PXDNL: variants seen among roughly 807,000 people sequenced by gnomAD.
PXDNL encodes the protein peroxidasin like.
Under a neutral mutation model 150.8 loss-of-function variants are expected in PXDNL, and 145 were observed. The observed-to-expected ratio is 0.96, with a 90% CI of 0.84 to 1.10. PXDNL has a LOEUF of 1.10. Ranked by LOEUF, PXDNL falls within the 50% of genes least tolerant of loss-of-function variation. PXDNL has a pLI of 0.00. For synonymous variants in PXDNL, 757 were observed against 725.7 expected, an observed-to-expected ratio of 1.04 and a Z score of -0.69; for missense variants, 2,087 against 1,873.9, an observed-to-expected ratio of 1.11 and a Z score of -2.10.
chr8:51,750,737 C>T (rs1243961512), intron 1 of PXDNL, among the ~76,000 whole-genome samples: 1 of 152,192 alleles, frequency 6.6e-6, no homozygotes, highest in Non-Finnish European at 1.5e-5. Context: ...TTTCTTCAAG[C>T]CAGATATTGT....
chr8:51,601,677 C>T (rs1563479466), intron 2 of PXDNL, among the ~76,000 whole-genome samples: 2 of 152,060 alleles, frequency 1.3e-5, no homozygotes, highest in East Asian at 1.9e-4. Flanking sequence ...CAACTTGCCA[C>T]TCTGTGCCTT....
At chr8:51,371,333 C>T (rs17262634) in intron 19 of PXDNL, among the ~76,000 whole-genome samples, 91 of 152,292 alleles carry the variant, frequency 6.0e-4, no homozygotes, top group Middle Eastern at 3.4e-3. Context: ...AAAACAGATG[C>T]TTATAGAAGC....
intron 5 of PXDNL, among the ~76,000 whole-genome samples, chr8:51,487,764 G>A (rs1305369526): frequency 6.6e-6 from 1 of 152,170 alleles, no homozygotes; most frequent in Non-Finnish European, 1.5e-5. Context: ...TCTTTTAATA[G>A]AAAAGAGGAA....
At position 51,683,229 on chromosome 8, in the gene PXDNL, A is replaced by G. The variant is rs192582630; in HGVS notation, c.165-28469T>C. The stretch of plus-strand genomic sequence containing the variant: ...TATTAGAAATGCACATCAAAGCCAC[A>G]GTGAGGTATCACCTCACCCCAACTG... On this transcript the variant is annotated intron_variant, in intron 1 of 22. Coordinates refer to ENST00000356297, the MANE Select transcript of PXDNL (RefSeq NM_144651.5). 9.5e-3 allele frequency among the ~76,000 whole-genome samples: 1,258 copies of G among 132,242 alleles called. 7 individuals are homozygous for G. Among genetic ancestry groups the G allele is most frequent in the Middle Eastern group, 0.023 (5 of 222 alleles). The allele number at this position is 132,242 out of a possible 152,430, so 86.8% of individuals were successfully genotyped here. A position where few individuals can be genotyped will look rare whatever the true frequency, so the allele number is the denominator to read the frequency against.
chr8:51,551,131 AG>A, intron 4 of PXDNL, among the ~76,000 whole-genome samples: 2 of 152,264 alleles, frequency 1.3e-5, no homozygotes, highest in South Asian at 4.1e-4. Flanking sequence ...AAGAGGTAAA[AG>A]ATCTCTAAAA....
intron 1 of PXDNL, among the ~76,000 whole-genome samples, chr8:51,759,013 G>A (rs572083773): frequency 6.6e-6 from 1 of 152,258 alleles, no homozygotes; most frequent in South Asian, 2.1e-4. Context: ...GCAAGACATG[G>A]GGAGAAGCAT....
intron 1 of PXDNL, among the ~76,000 whole-genome samples, chr8:51,805,850 T>C (rs1365515299): frequency 6.6e-6 from 1 of 152,180 alleles, no homozygotes; most frequent in Non-Finnish European, 1.5e-5. Context: ...ATTAGGAAAG[T>C]ACAACCTAAT....
At chr8:51,738,928 A>T (rs1029992596) in intron 1 of PXDNL, among the ~76,000 whole-genome samples, 5 of 148,004 alleles carry the variant, frequency 3.4e-5, no homozygotes, top group African/African-American at 1.3e-4. Context: ...AGTCGAAAAT[A>T]GTACAAAAAA....
chr8:51,663,141 AT>A (rs1815309594), intron 1 of PXDNL, among the ~76,000 whole-genome samples: 1 of 152,190 alleles, frequency 6.6e-6, no homozygotes, highest in Non-Finnish European at 1.5e-5. Context: ...AGAACATCAG[AT>A]TCCCCTCAAA....
At chr8:51,756,413 GAA>G (rs2037102624) in intron 1 of PXDNL, among the ~76,000 whole-genome samples, 30 of 146,548 alleles carry the variant, frequency 2.0e-4, no homozygotes, top group African/African-American at 6.7e-4. Context: ...AAAAAGGAAA[GAA>G]AGAGAAAGAG....
chr8:51,800,538 G>A (rs1301003927), intron 1 of PXDNL, among the ~76,000 whole-genome samples: 1 of 152,214 alleles, frequency 6.6e-6, no homozygotes, highest in Non-Finnish European at 1.5e-5. Flanking sequence ...GGCCAAGGAT[G>A]CATTCCTGGC....
chr8:51,341,429 G>A (rs1805981826), intron 20 of PXDNL, among the ~76,000 whole-genome samples: 1 of 152,036 alleles, frequency 6.6e-6, no homozygotes, highest in Non-Finnish European at 1.5e-5. Context: ...ACGTGTGCAT[G>A]TGGTTTGTTT....
intron 1 of PXDNL, among the ~76,000 whole-genome samples, chr8:51,738,064 G>A (rs1408774682): frequency 6.6e-6 from 1 of 152,172 alleles, no homozygotes; most frequent in East Asian, 1.9e-4. Context: ...GTATTGGACA[G>A]ACACACCAAA....
chr8:51,604,243 C>T (rs1813793636), intron 2 of PXDNL, among the ~76,000 whole-genome samples: 2 of 152,206 alleles, frequency 1.3e-5, no homozygotes, highest in Admixed American at 1.3e-4. Flanking sequence ...AGACTTGGAA[C>T]CAACCCAAAT....
At chr8:51,327,843 G>A (rs1805562957) in intron 21 of PXDNL, among the ~76,000 whole-genome samples, 1 of 152,202 alleles carries the variant, frequency 6.6e-6, no homozygotes, top group Admixed American at 6.5e-5. Context: ...AGAGAGCTAA[G>A]GTTGAAGGGC....
Position 51,372,093 on chromosome 8 carries a change from C to CAA in PXDNL, c.3693-13_3693-12insTT. 4.7e-6 allele frequency: 7 copies of CAA among 1,475,184 alleles called. No individual in the cohort carries two copies. The Admixed American group carries it at 1.3e-4, about 27-fold the overall frequency. 91.4% of individuals were successfully genotyped at this position (1,475,184 alleles called of 1,614,324 possible). ...TTTCATACCAGAACCTGGTAGTCAA[C>CAA]CAAAAAAAAAACATTGTCGTGGGTC... On this transcript the variant is annotated splice_polypyrimidine_tract_variant and intron_variant, in intron 18 of 22. Coordinates refer to ENST00000356297, the MANE Select transcript of PXDNL (RefSeq NM_144651.5).
chr8:51,700,981 A>G (rs1386504955), intron 1 of PXDNL, among the ~76,000 whole-genome samples: 1 of 152,078 alleles, frequency 6.6e-6, no homozygotes, highest in Non-Finnish European at 1.5e-5. Context: ...AAATTCATAT[A>G]CACACATATA....
chr8:51,743,540 C>A (rs1244918260), intron 1 of PXDNL, among the ~76,000 whole-genome samples: 3 of 152,122 alleles, frequency 2.0e-5, no homozygotes, highest in Admixed American at 2.0e-4. Context: ...TGCCACCACA[C>A]CCAGCTAATT....
At chr8:51,762,459 C>T (rs770059553) in intron 1 of PXDNL, among the ~76,000 whole-genome samples, 2 of 152,204 alleles carry the variant, frequency 1.3e-5, no homozygotes, top group Non-Finnish European at 2.9e-5. Flanking sequence ...CTGCTGCTCT[C>T]TCTGAAGTCT....
Sources: gnomAD v4.1 joint callset for allele counts (sites outside exome capture counted in the v4.1 genomes callset) on GRCh38, gnomAD v4.1.1 for gene constraint, MANE v1.5 for transcripts, NCBI Gene and HGNC (gene_info 2026-07-23, HGNC 2026-07-21) for gene names.